N4BP2: variants seen among roughly 807,000 people sequenced by gnomAD.
The protein encoded by N4BP2 is NEDD4-binding protein 2.
In N4BP2, 91 loss-of-function variants were observed where a neutral mutation model predicts 152.8. The ratio of observed to expected loss-of-function variants is 0.60; its 90% CI spans 0.50 to 0.71. The LOEUF (loss-of-function observed/expected upper bound fraction) is 0.71. Ranked by LOEUF, N4BP2 falls within the 30% of genes least tolerant of loss-of-function variation. The pLI, the probability that N4BP2 is intolerant of heterozygous loss-of-function variation, is 0.00. For missense variants in N4BP2, 1,923 were observed against 2,059.1 expected (o/e 0.93, Z 1.28); for synonymous variants, 646 against 705.3 (o/e 0.92, Z 1.33).
chr4:40,114,316 A>G (rs147224002), intron 7 of N4BP2, among the ~76,000 whole-genome samples: 28 of 152,246 alleles, frequency 1.8e-4, no homozygotes, highest in Middle Eastern at 3.4e-3. Context: ...TTGTGTGATC[A>G]TCACCCCTAT....
In N4BP2 at chr4:40,120,759, G is replaced by A. The variant is rs373411920; in HGVS notation, c.2648G>A (p.Gly883Asp). The change falls in exon 9 of 18, where the codon GGT (glycine) becomes GAT (aspartate). Residue 883 changes from glycine to aspartate, a missense_variant. Coordinates refer to ENST00000261435, the MANE Select transcript of N4BP2 (RefSeq NM_018177.6). ...GACAAAAACTCATTCAACATTATGG[G>A]TGACTGGCCTTCATCTGATTCTTTA... ...NIDKNSFNIM[G>D]DWPSSDSLAQ... 75 of 1,614,156 alleles carry A rather than the reference G, an allele frequency of 4.6e-5. No individual in the cohort carries two copies. In the African/African-American group the frequency reaches 8.7e-4, roughly 19 times the overall value.
At chr4:40,149,738 CA>C (rs574743997) in intron 16 of N4BP2, among the ~76,000 whole-genome samples, 1 of 149,576 alleles carries the variant, frequency 6.7e-6, no homozygotes, top group Admixed American at 6.7e-5. Context: ...ACTAAAAATA[CA>C]AAAAAAAATT....
intron 16 of N4BP2, among the ~76,000 whole-genome samples, chr4:40,149,630 C>T (rs769410583): frequency 2.0e-5 from 3 of 152,148 alleles, no homozygotes; most frequent in Non-Finnish European, 4.4e-5. Context: ...CTCAGTGGCT[C>T]ATGCCTGTAA....
chr4:40,127,358 C>G (rs925543024), intron 12 of N4BP2, among the ~76,000 whole-genome samples: 1 of 151,580 alleles, frequency 6.6e-6, no homozygotes, highest in Non-Finnish European at 1.5e-5. Context: ...GGTGGAACCA[C>G]AGGCATGTGC....
At chr4:40,163,387 C>G in the N4BP2 span, among the ~76,000 whole-genome samples, 44,015 of 152,078 alleles carry the variant, frequency 0.29, 6,576 homozygotes, top group South Asian at 0.46. Context: ...CAGGGAAGAT[C>G]AACCCCTCTG....
intron 13 of N4BP2, among the ~76,000 whole-genome samples, chr4:40,132,298 G>A (rs112118580): frequency 0.025 from 3,748 of 152,148 alleles, 159 homozygotes; most frequent in African/African-American, 0.086. Context: ...TTGGTTACAG[G>A]ACAGAAAATC....
intron 2 of N4BP2, among the ~76,000 whole-genome samples, chr4:40,091,460 A>G (rs1714538414): frequency 1.3e-5 from 2 of 152,046 alleles, no homozygotes; most frequent in African/African-American, 4.8e-5. Flanking sequence ...GTTACCATGA[A>G]TGGTGTTGAA....
intron 2 of N4BP2, among the ~76,000 whole-genome samples, chr4:40,091,407 C>T (rs1714533540): frequency 6.6e-6 from 1 of 151,788 alleles, no homozygotes; most frequent in African/African-American, 2.4e-5. Flanking sequence ...TTTGTAGGTG[C>T]TTTTATCAGG....
At chr4:40,069,164 A>C (rs1176238693) in intron 1 of N4BP2, among the ~76,000 whole-genome samples, 9 of 151,896 alleles carry the variant, frequency 5.9e-5, no homozygotes, top group Admixed American at 5.9e-4. Context: ...CCAGCCGGGC[A>C]CAGTGACTCA....
chr4:40,069,390 G>A (rs1046525921), intron 1 of N4BP2, among the ~76,000 whole-genome samples: 1 of 152,094 alleles, frequency 6.6e-6, no homozygotes, highest in African/African-American at 2.4e-5. Context: ...TTGCACCACT[G>A]CACGAAAGAG....
chr4:40,161,321 T>C (rs572141084), downstream of N4BP2, among the ~76,000 whole-genome samples: 4 of 152,344 alleles, frequency 2.6e-5, no homozygotes, highest in South Asian at 8.3e-4. Context: ...CACAGGAATA[T>C]GTGAGACATC....
In N4BP2 at chr4:40,131,659, A is replaced by G. The variant is rs1579102322; in HGVS notation, c.4528-142A>G. The G allele has an allele frequency of 9.6e-6, 6 of 622,412 alleles. No individual in the cohort carries two copies. In the South Asian group the frequency reaches 1.2e-4, roughly 13 times the overall value. 38.6% of individuals were successfully genotyped at this position (622,412 alleles called of 1,614,324 possible). On this transcript the variant is annotated intron_variant, in intron 12 of 17. Coordinates refer to ENST00000261435, the MANE Select transcript of N4BP2 (RefSeq NM_018177.6). ...TAGTGCAAGAGTACTCGTATTACTA[A>G]TTTCAGCCTTTAATCCGTAAAGAAA...
the N4BP2 span, among the ~76,000 whole-genome samples, chr4:40,175,887 G>C: frequency 5.3e-5 from 8 of 150,096 alleles, no homozygotes; most frequent in Non-Finnish European, 8.9e-5. Flanking sequence ...TCAGGAGATC[G>C]AGACCATCTT....
chr4:40,060,947 T>C (rs760968356), intron 1 of N4BP2, among the ~76,000 whole-genome samples: 6 of 152,072 alleles, frequency 3.9e-5, no homozygotes, highest in Admixed American at 6.6e-5. Context: ...CCTTTGATCA[T>C]GTATTAGCTG....
At chr4:40,149,942 G>GTAATT in intron 16 of N4BP2, among the ~76,000 whole-genome samples, 1 of 151,506 alleles carries the variant, frequency 6.6e-6, no homozygotes, top group South Asian at 2.1e-4. Context: ...AAAGAGCTAA[G>GTAATT]TAATTTGCCC....
chr4:40,169,377 C>T, the N4BP2 span, among the ~76,000 whole-genome samples: 2 of 136,186 alleles, frequency 1.5e-5, no homozygotes, highest in African/African-American at 2.8e-5. Flanking sequence ...GCAAGACTGT[C>T]TCAAAAAAAA....
At chr4:40,133,057 C>T (rs1365980399) in intron 13 of N4BP2, among the ~76,000 whole-genome samples, 1 of 151,914 alleles carries the variant, frequency 6.6e-6, no homozygotes, top group Non-Finnish European at 1.5e-5. Context: ...GAACTTAGTA[C>T]CTTGAAGGTT....
rs1431138817 is a variant in N4BP2 at position 40,074,697 on chromosome 4, G to A, written c.-115+1146G>A. Among the ~76,000 whole-genome samples, 18 of 151,948 alleles carry A rather than the reference G, an allele frequency of 1.2e-4. No homozygotes were observed. The East Asian group carries it at 2.7e-3, about 23-fold the overall frequency. On this transcript the variant is annotated intron_variant, in intron 2 of 17. Coordinates refer to ENST00000261435, the MANE Select transcript of N4BP2 (RefSeq NM_018177.6). ...GTTTTTCTATTTAATGAGTGTTTTC[G>A]TTTCTCTGCTTCTTAAAGGCCAGTC... is the stretch of plus-strand genomic sequence containing the variant.
chr4:40,112,041 G>A, intron 5 of N4BP2, 43 bp from the exon 6 acceptor site: 1 of 1,043,484 alleles, frequency 9.6e-7, no homozygotes, highest in South Asian at 1.4e-5. Flanking sequence ...ATAATACTTA[G>A]TATTGTTTAA....
Sources: allele counts gnomAD v4.1 joint callset (sites outside exome capture counted in the v4.1 genomes callset), GRCh38; gene constraint gnomAD v4.1.1; transcripts MANE v1.5; gene names NCBI Gene and HGNC (gene_info 2026-07-23, HGNC 2026-07-21).